Variants in GLG1 observed in about 807,000 individuals in gnomAD.
GLG1 encodes the protein golgi glycoprotein 1.
Under a neutral mutation model 160.5 loss-of-function variants are expected in GLG1, and 38 were observed. The ratio of observed to expected loss-of-function variants is 0.24; its 90% confidence interval spans 0.18 to 0.31. The LOEUF (loss-of-function observed/expected upper bound fraction) is 0.31, where lower values mean the gene tolerates loss of function less well. Ranked by LOEUF, GLG1 falls within the 10% of genes least tolerant of loss-of-function variation. GLG1 has a pLI of 1.00. For synonymous variants in GLG1, 644 were observed against 543.4 expected, an observed-to-expected ratio of 1.19 and a Z score of -2.57; for missense variants, 1,373 against 1,505.2, an observed-to-expected ratio of 0.91 and a Z score of 1.45.
rs1330231927 is a variant in GLG1 at position 74,452,212 on chromosome 16, C to T, written c.*955G>A. On this transcript the variant is annotated 3_prime_UTR_variant, in exon 26 of 26. Transcript: ENST00000422840. ...CTCCCCACACCCATCTTCAAGGACC[C>T]CTCCCGCCACAGTCCTGCCTCCTGA... The T allele has an allele frequency of 1.6e-5, 24 of 1,535,202 alleles. No individual in the cohort carries two copies. The highest frequency in any genetic ancestry group is 2.1e-5 in the Non-Finnish European group (24 of 1,140,968).
At chr16:74,593,289 C>T (rs552519487) in intron 1 of GLG1, among the ~76,000 whole-genome samples, 4 of 152,264 alleles carry the variant, frequency 2.6e-5, no homozygotes, top group South Asian at 2.1e-4. Context: ...CTTTCTGCAT[C>T]GTTGAAGTTA....
Position 74,569,387 on chromosome 16 carries a change from T to C in GLG1, c.439-37234A>G, listed in dbSNP as rs12444164. ...ACACAGTAAACCCAAGTATTTATTCTATGTTTCCTTGGGTTTGAAGGTATA... is the reference window on the plus strand; with the variant it reads ...ACACAGTAAACCCAAGTATTTATTCCATGTTTCCTTGGGTTTGAAGGTATA... On this transcript the variant is annotated intron_variant, in intron 1 of 25. Coordinates refer to ENST00000422840, the MANE Select transcript of GLG1 (RefSeq NM_001145667.2). Among the ~76,000 whole-genome samples, 600 of 152,368 alleles carry C rather than the reference T, an allele frequency of 3.9e-3. 13 individuals carry two copies. The highest frequency in any genetic ancestry group is 0.031 in the Admixed American group (479 of 15,308).
chr16:74,501,632 T>G (rs2016407475), intron 4 of GLG1, among the ~76,000 whole-genome samples: 1 of 152,226 alleles, frequency 6.6e-6, no homozygotes. Context: ...ACTGAAACGC[T>G]TGGCTTTACT....
At position 74,607,105 on chromosome 16, in the gene GLG1, C is replaced by A; in HGVS notation, c.-11G>T. The stretch of plus-strand genomic sequence containing the variant: ...TCCACACGCCGCCATCTTGAGTCCG[C>A]GGCGAGCTCGACGCACTCGCCGGCG... On this transcript the variant is annotated 5_prime_UTR_variant, in exon 1 of 26. Coordinates refer to ENST00000422840, the MANE Select transcript of GLG1 (RefSeq NM_001145667.2). 2 of 1,516,478 alleles carry A rather than the reference C, an allele frequency of 1.3e-6. No individual in the cohort carries two copies. Among genetic ancestry groups the A allele is most frequent in the Non-Finnish European group, 1.8e-6 (2 of 1,130,220 alleles). The allele number at this position is 1,516,478 out of a possible 1,614,324, so 93.9% of individuals were successfully genotyped here.
Position 74,496,657 on chromosome 16 carries a change from G to C in GLG1, c.775-13C>G. 1 of 1,569,318 alleles carries C rather than the reference G, an allele frequency of 6.4e-7. No homozygotes were observed. The highest frequency in any genetic ancestry group is 2.3e-5 in the East Asian group (1 of 44,318). ...GTGAATGTGCATCCTAAAATAGCGA[G>C]GATATTAATATTTTAAAACTTTTAT... On this transcript the variant is annotated splice_polypyrimidine_tract_variant and intron_variant, in intron 4 of 25. Transcript: ENST00000422840.
At chr16:74,503,339 C>A (rs1388577425) in intron 4 of GLG1, among the ~76,000 whole-genome samples, 192 bp downstream of exon 4, 2 of 152,174 alleles carry the variant, frequency 1.3e-5, no homozygotes, top group Non-Finnish European at 2.9e-5. Flanking sequence ...CCATACAGTA[C>A]TGAAAAATTT....
chr16:74,489,996 T>TA (rs1209216087), intron 8 of GLG1, among the ~76,000 whole-genome samples: 1 of 152,178 alleles, frequency 6.6e-6, no homozygotes, highest in African/African-American at 2.4e-5. Context: ...ATGCTAACTA[T>TA]AAAATAATAG....
At chr16:74,478,975 G>A (rs530833353) in intron 11 of GLG1, among the ~76,000 whole-genome samples, 1 of 142,066 alleles carries the variant, frequency 7.0e-6, no homozygotes, top group East Asian at 2.1e-4. Context: ...GGAGGCCCAG[G>A]TGAGTGGATC....
intron 22 of GLG1, among the ~76,000 whole-genome samples, chr16:74,460,022 ATT>A (rs372902114): frequency 9.2e-4 from 118 of 128,892 alleles, no homozygotes; most frequent in East Asian, 8.9e-4. Flanking sequence ...TGCCTGGCTG[ATT>A]TTTTTTTTTT....
chr16:74,483,811 C>A (rs1412474824), intron 9 of GLG1, among the ~76,000 whole-genome samples: 1 of 152,054 alleles, frequency 6.6e-6, no homozygotes, highest in East Asian at 1.9e-4. Flanking sequence ...GCACCCACCA[C>A]CACGCCCGGC....
rs2014173168 is a variant in GLG1, at chr16:74,448,781, G to T, written c.*4386C>A. The T allele has an allele frequency of 6.6e-6, 1 of 150,920 alleles. No homozygotes were observed. Among genetic ancestry groups the T allele is most frequent in the Non-Finnish European group, 1.5e-5 (1 of 67,774 alleles). The allele number at this position is 150,920 out of a possible 1,614,324, so 9.3% of individuals were successfully genotyped here. A position where few individuals can be genotyped will look rare whatever the true frequency, so the allele number is the denominator to read the frequency against. ...AAAAAAAAAAAAAAGGCCAGGCCGGGCGTGGTGGCTCACGCCTGTAATGCA... is the reference window on the plus strand; with the variant it reads ...AAAAAAAAAAAAAAGGCCAGGCCGGTCGTGGTGGCTCACGCCTGTAATGCA... On this transcript the variant is annotated 3_prime_UTR_variant, in exon 26 of 26. Coordinates refer to ENST00000422840, the MANE Select transcript of GLG1 (RefSeq NM_001145667.2).
chr16:74,464,074 GA>G (rs1327506536), intron 19 of GLG1: 1 of 152,944 alleles, frequency 6.5e-6, no homozygotes, highest in African/African-American at 2.4e-5. Context: ...AGGTAGGCCT[GA>G]AAGAGCACCC....
At chr16:74,557,475 C>T (rs1373347455) in intron 1 of GLG1, among the ~76,000 whole-genome samples, 3 of 152,042 alleles carry the variant, frequency 2.0e-5, no homozygotes. Flanking sequence ...ACCACTTAGC[C>T]CAAGAGTGTG....
chr16:74,573,987 T>C (rs990542861), intron 1 of GLG1, among the ~76,000 whole-genome samples: 2 of 152,270 alleles, frequency 1.3e-5, no homozygotes, highest in East Asian at 1.9e-4. Flanking sequence ...GACTTCTCCA[T>C]GTTGCCCAGG....
chr16:74,553,252 G>A (rs1471528605), intron 1 of GLG1, among the ~76,000 whole-genome samples: 1 of 151,700 alleles, frequency 6.6e-6, no homozygotes, highest in African/African-American at 2.4e-5. Context: ...TTTAAAGACA[G>A]GGTCTCGCTA....
rs560657949 is a variant in GLG1 at position 74,456,794 on chromosome 16, G to A, written c.3266-39C>T. The A allele has an allele frequency of 5.7e-4, 685 of 1,201,386 alleles. 6 individuals are homozygous for A. The South Asian group carries it at 7.9e-3, about 14-fold the overall frequency. 74.4% of individuals were successfully genotyped at this position (1,201,386 alleles called of 1,614,324 possible). ...TGAATAATAAGAAGAACCTGAAACT[G>A]TACAGAATAGAGAAATTTCTGTAAA... On this transcript the variant is annotated intron_variant, in intron 24 of 25. Coordinates refer to ENST00000422840, the MANE Select transcript of GLG1 (RefSeq NM_001145667.2).
At chr16:74,543,669 T>A (rs148026062) in intron 1 of GLG1, among the ~76,000 whole-genome samples, 3 of 152,022 alleles carry the variant, frequency 2.0e-5, no homozygotes, top group Admixed American at 1.3e-4. Flanking sequence ...TGGGAAATAC[T>A]GATAAACTAA....
At chr16:74,581,982 G>C (rs1597369887) in intron 1 of GLG1, among the ~76,000 whole-genome samples, 1 of 152,240 alleles carries the variant, frequency 6.6e-6, no homozygotes, top group East Asian at 1.9e-4. Flanking sequence ...ACATTGGCTT[G>C]AACCCTCTCC....
At chr16:74,530,314 A>G (rs2550811) in intron 2 of GLG1, among the ~76,000 whole-genome samples, 50 of 152,324 alleles carry the variant, frequency 3.3e-4, no homozygotes, top group African/African-American at 1.2e-3. Flanking sequence ...AAACATATGC[A>G]TTTTAGGTTG....
Sources: gnomAD v4.1 joint callset for allele counts (sites outside exome capture counted in the v4.1 genomes callset) on GRCh38, gnomAD v4.1.1 for gene constraint, MANE v1.5 for transcripts, NCBI Gene and HGNC (gene_info 2026-07-23, HGNC 2026-07-21) for gene names.